Variants in MAPK10 observed in about 807,000 individuals in gnomAD.
The protein encoded by MAPK10 is mitogen-activated protein kinase 10.
A neutral mutation model predicts 59.3 loss-of-function variants in MAPK10; 25 were observed. The ratio of observed to expected loss-of-function variants is 0.42; its 90% confidence interval spans 0.31 to 0.59. The LOEUF (loss-of-function observed/expected upper bound fraction) is 0.59. MAPK10 is among the 20% of genes least tolerant of loss of function. MAPK10 has a pLI of 0.15. For synonymous variants in MAPK10, 190 were observed against 200.5 expected (o/e 0.95, Z 0.44); for missense variants, 351 against 568.9 (o/e 0.62, Z 3.90).
chr4:86,429,068 C>T (rs1010309935), intron 1 of MAPK10, among the ~76,000 whole-genome samples: 1 of 152,094 alleles, frequency 6.6e-6, no homozygotes, highest in African/African-American at 2.4e-5. Flanking sequence ...GTTTTAAAAA[C>T]CACATTACTC....
At position 86,014,606 on chromosome 4, in the gene MAPK10, T is replaced by C. The variant is rs1298365163; in HGVS notation, c.*2622A>G. ...CAAGGAATTTGTTCCATTTTTCTCT[T>C]GTCCATAAGGGAAATCTGGCTAAAG... On this transcript the variant is annotated 3_prime_UTR_variant, in exon 14 of 14. Coordinates refer to ENST00000641462, the MANE Select transcript of MAPK10 (RefSeq NM_138982.4). 1.3e-5 allele frequency: 2 copies of C among 152,164 alleles called. No individual in the cohort carries two copies. The highest frequency in any genetic ancestry group is 1.5e-5 in the Non-Finnish European group (1 of 68,030). The allele number at this position is 152,164 out of a possible 1,614,324, so 9.4% of individuals were successfully genotyped here. A position where few individuals can be genotyped will look rare whatever the true frequency, so the allele number is the denominator to read the frequency against.
intron 1 of MAPK10, among the ~76,000 whole-genome samples, chr4:86,399,030 T>C (rs1743340698): frequency 6.6e-6 from 1 of 152,210 alleles, no homozygotes; most frequent in African/African-American, 2.4e-5. Context: ...GGGTTGATTC[T>C]GTCTTTGCTA....
At chr4:86,530,677 T>C (rs570783478) in intron 1 of MAPK10, among the ~76,000 whole-genome samples, 7 of 152,312 alleles carry the variant, frequency 4.6e-5, no homozygotes, top group African/African-American at 1.7e-4. Context: ...CTGGAGCCTC[T>C]GTTTATAAGG....
chr4:86,522,836 C>T (rs1757216038), intron 1 of MAPK10, among the ~76,000 whole-genome samples: 1 of 152,212 alleles, frequency 6.6e-6, no homozygotes, highest in Admixed American at 6.5e-5. Context: ...GTTCCTCCCT[C>T]TTCACATGGA....
chr4:86,250,656 T>C (rs753082071), intron 2 of MAPK10, among the ~76,000 whole-genome samples: 1 of 152,086 alleles, frequency 6.6e-6, no homozygotes, highest in Non-Finnish European at 1.5e-5. Flanking sequence ...AACTTATTTA[T>C]TATGGAATCA....
chr4:86,122,394 T>C (rs2149117271), intron 4 of MAPK10, among the ~76,000 whole-genome samples: 1 of 152,280 alleles, frequency 6.6e-6, no homozygotes, highest in Non-Finnish European at 1.5e-5. Context: ...TTTGACCAGT[T>C]CACTTTTGCT....
chr4:86,393,659 C>A (rs1046681625), intron 1 of MAPK10, among the ~76,000 whole-genome samples: 2 of 152,074 alleles, frequency 1.3e-5, no homozygotes, highest in East Asian at 3.9e-4. Flanking sequence ...GTGATGCTAA[C>A]CAGAGCATCC....
chr4:86,180,117 G>T (rs551749224), intron 3 of MAPK10, among the ~76,000 whole-genome samples: 1 of 151,810 alleles, frequency 6.6e-6, no homozygotes, highest in East Asian at 1.9e-4. Flanking sequence ...AATATACAAG[G>T]AGCTCAAATA....
At chr4:86,169,888 G>T (rs1319891144) in intron 3 of MAPK10, among the ~76,000 whole-genome samples, 1 of 152,046 alleles carries the variant, frequency 6.6e-6, no homozygotes, top group Non-Finnish European at 1.5e-5. Context: ...CTACAAGCCA[G>T]AAGAGAGTGG....
intron 9 of MAPK10, among the ~76,000 whole-genome samples, chr4:86,088,113 C>T (rs2052320294): frequency 6.6e-6 from 1 of 152,140 alleles, no homozygotes; most frequent in South Asian, 2.1e-4. Context: ...CATCCATATA[C>T]TAATCACTAA....
intron 11 of MAPK10, among the ~76,000 whole-genome samples, chr4:86,044,347 G>T (rs2042126681): frequency 6.6e-6 from 1 of 152,100 alleles, no homozygotes; most frequent in Non-Finnish European, 1.5e-5. Flanking sequence ...CCACCTCAGA[G>T]ATTCTGATTT....
intron 1 of MAPK10, among the ~76,000 whole-genome samples, chr4:86,475,560 T>C (rs1012024101): frequency 6.6e-6 from 1 of 152,160 alleles, no homozygotes. Context: ...GGTCACGGAC[T>C]CGGGAAGACA....
At chr4:86,322,736 T>C (rs534841743) in intron 2 of MAPK10, among the ~76,000 whole-genome samples, 2 of 152,342 alleles carry the variant, frequency 1.3e-5, no homozygotes, top group African/African-American at 2.4e-5. Flanking sequence ...AGTAATAAGA[T>C]GTAAACCCCA....
intron 3 of MAPK10, among the ~76,000 whole-genome samples, chr4:86,184,199 A>G (rs1215949157): frequency 2.0e-5 from 3 of 152,048 alleles, no homozygotes; most frequent in Non-Finnish European, 4.4e-5. Flanking sequence ...GGTGTTTTAG[A>G]CATGAAGTCC....
chr4:86,272,788 A>G (rs1317046154), intron 2 of MAPK10, among the ~76,000 whole-genome samples: 1 of 152,108 alleles, frequency 6.6e-6, no homozygotes, highest in African/African-American at 2.4e-5. Context: ...ATTTGCTGGT[A>G]GCCCAAGCCA....
At chr4:86,321,120 C>A (rs1317314031) in intron 2 of MAPK10, among the ~76,000 whole-genome samples, 1 of 151,896 alleles carries the variant, frequency 6.6e-6, no homozygotes, top group Non-Finnish European at 1.5e-5. Flanking sequence ...AATAGGAACA[C>A]TTTTACACTG....
intron 9 of MAPK10, among the ~76,000 whole-genome samples, chr4:86,086,373 AT>A (rs2051850692): frequency 6.6e-6 from 1 of 152,160 alleles, no homozygotes; most frequent in Non-Finnish European, 1.5e-5. Context: ...TAATAATTTA[AT>A]TGTACATTTT....
At position 86,159,389 on chromosome 4, in the gene MAPK10, A is replaced by C; in HGVS notation, c.145T>G (p.Tyr49Asp). ...MSKSKVDNQF[Y>D]SVEVGDSTFT... ...GTTGAGTCTCCCACTTCCACACTGT[A>C]GAACTGGTTGTCAACTTTGCTTTTG... is the stretch of plus-strand genomic sequence containing the variant. The change falls in exon 4 of 14, where the codon TAC becomes GAC. Residue 49 changes from tyrosine to aspartate, a missense_variant. This residue lies in a region of MAPK10 where 61 missense variants were observed against 58.4 expected (regional missense o/e 1.05). Transcript: ENST00000641462. 3 of 1,612,926 alleles carry C rather than the reference A, an allele frequency of 1.9e-6. No homozygotes were observed. Among genetic ancestry groups the C allele is most frequent in the Non-Finnish European group, 2.5e-6 (3 of 1,179,160 alleles).
At chr4:86,264,895 T>G (rs1284127554) in intron 2 of MAPK10, among the ~76,000 whole-genome samples, 1 of 146,344 alleles carries the variant, frequency 6.8e-6, no homozygotes, top group Non-Finnish European at 1.5e-5. Flanking sequence ...GGACTTTTTT[T>G]TTTTTTTTTT....
Sources: gnomAD v4.1 joint callset for allele counts (sites outside exome capture counted in the v4.1 genomes callset) on GRCh38, gnomAD v4.1.1 for gene constraint, gnomAD v4.1.1 regional missense constraint, MANE v1.5 for transcripts, NCBI Gene and HGNC (gene_info 2026-07-23, HGNC 2026-07-21) for gene names.